Variants in MDN1 observed in about 807,000 individuals in gnomAD.
MDN1 encodes midasin.
Under a neutral mutation model 669.2 loss-of-function variants are expected in MDN1, and 266 were observed. The ratio of observed to expected loss-of-function variants is 0.40; its 90% CI spans 0.36 to 0.44. The LOEUF is 0.44. Ranked by LOEUF, MDN1 falls within the 20% of genes least tolerant of loss-of-function variation. MDN1 has a pLI of 1.00. For missense variants in MDN1, 5,940 were observed against 6,754.0 expected (o/e 0.88, Z 4.22); for synonymous variants, 2,385 against 2,457.1 (o/e 0.97, Z 0.87).
chr6:89,705,575 C>A (rs748000734), intron 53 of MDN1, among the ~76,000 whole-genome samples: 59 of 152,158 alleles, frequency 3.9e-4, no homozygotes, highest in Non-Finnish European at 7.4e-4. Flanking sequence ...GAGGAATGAA[C>A]TACTGATACA....
At chr6:89,804,179 G>C (rs1392571375) in intron 1 of MDN1, among the ~76,000 whole-genome samples, 2 of 149,298 alleles carry the variant, frequency 1.3e-5, no homozygotes, top group Non-Finnish European at 3.0e-5. Flanking sequence ...CAAAGTGCTG[G>C]GATTACAGGC....
Position 89,695,959 on chromosome 6 carries a change from C to T in MDN1, c.9417G>A (p.Leu3139=). ...CTGCTAGGCCTGCCAGGTGCCGGAA[C>T]AGCACCTGCCCCTGGAGTTGGGAAT... ...RTDSQLQGQV[L]FRHLAGLAEL... The change falls in exon 61 of 102, where the codon CTG becomes CTA. Residue 3139 remains leucine, a synonymous_variant. Transcript: ENST00000369393. This position sits in a 1 kb window ranked among gnomAD's most constrained non-coding sequence, Gnocchi z 4.1. The T allele has an allele frequency of 6.2e-7, 1 of 1,610,504 alleles. No homozygotes were observed. The highest frequency in any genetic ancestry group is 1.1e-5 in the South Asian group (1 of 90,954).
At chr6:89,819,430 G>A (rs1769105602) in intron 1 of MDN1, 76 bp downstream of exon 1, 2 of 1,338,438 alleles carry the variant, frequency 1.5e-6, no homozygotes, top group African/African-American at 1.4e-5. Context: ...GGCGAGTATC[G>A]GCGGGGGAGC....
At chr6:89,652,104 G>T (rs1231830115) in intron 95 of MDN1, 88 bp downstream of exon 95, 2 of 1,007,490 alleles carry the variant, frequency 2.0e-6, no homozygotes, top group Non-Finnish European at 3.0e-6. Context: ...TAAGGTAATT[G>T]CTAAGAACCT....
At chr6:89,718,716 A>G in intron 42 of MDN1, 51 bp downstream of exon 42, 2 of 1,609,556 alleles carry the variant, frequency 1.2e-6, no homozygotes, top group South Asian at 1.1e-5. Flanking sequence ...TCTCAGTCAG[A>G]CCACGGGGTT....
intron 65 of MDN1, among the ~76,000 whole-genome samples, chr6:89,689,521 A>C (rs1327908160): frequency 6.6e-6 from 1 of 152,202 alleles, no homozygotes; most frequent in Non-Finnish European, 1.5e-5. Flanking sequence ...TTTCAAAAGC[A>C]CTAAGGCTAT....
At chr6:89,745,732 G>A (rs1411134036) in intron 27 of MDN1, 106 bp from the exon 28 acceptor site, 2 of 1,133,298 alleles carry the variant, frequency 1.8e-6, no homozygotes. Flanking sequence ...TACGCGGCTG[G>A]TGAGGTAGAA....
In MDN1 at chr6:89,750,366, C is replaced by A. The variant is rs528019755; in HGVS notation, c.3394G>T (p.Val1132Phe). ...ATCTTAACCCTACCTTCCTTAAAGACAAGCTTCCCTGAGGAGTCAGACGTG... is the reference window on the plus strand; with the variant it reads ...ATCTTAACCCTACCTTCCTTAAAGAAAAGCTTCCCTGAGGAGTCAGACGTG... The part of the protein sequence containing the change: ...CYTSDSSGKL[V>F]FKEGVLIDAM... The change falls in exon 24 of 102, where the codon GTC (valine) becomes TTC (phenylalanine). Residue 1132 changes from valine (V) to phenylalanine (F), a missense_variant. By Grantham distance (50) the Val-to-Phe change is conservative. Around this residue, in one of 5 missense-constraint regions of MDN1, gnomAD observed 2,292 missense variants for 2,638.3 expected, o/e 0.87. Transcript: ENST00000369393. 8.1e-6 allele frequency: 13 copies of A among 1,607,940 alleles called. No individual in the cohort carries two copies. Among genetic ancestry groups the A allele is most frequent in the Non-Finnish European group, 1.1e-5 (13 of 1,175,126 alleles).
At chr6:89,654,459 A>G in intron 92 of MDN1, 125 bp from the exon 93 acceptor site, 1 of 1,247,704 alleles carries the variant, frequency 8.0e-7, no homozygotes, top group Non-Finnish European at 1.1e-6. Flanking sequence ...TGTGCCACTG[A>G]CCAGCTATGT....
chr6:89,779,824 G>C (rs915711965), intron 11 of MDN1, among the ~76,000 whole-genome samples: 1 of 152,160 alleles, frequency 6.6e-6, no homozygotes, highest in South Asian at 2.1e-4. Context: ...CCAGCACTCT[G>C]GGAGGCCGAC....
chr6:89,690,804 G>A lies in MDN1; in HGVS notation c.10618C>T (p.Arg3540Cys), dbSNP rs9451263. ...EIISEWDEQERIAQEKAEQES... is the reference protein window; with the variant it reads ...EIISEWDEQECIAQEKAEQES... Reference sequence around the variant, plus strand: ...TGCTCAGCCTTCTCTTGGGCTATGCGTTCCTGCTCATCCCACTCACTGATG... The same window carrying A: ...TGCTCAGCCTTCTCTTGGGCTATGCATTCCTGCTCATCCCACTCACTGATG... The change falls in exon 64 of 102, where the codon CGC becomes TGC. Residue 3540 changes from arginine to cysteine, a missense_variant. By Grantham distance (180) the Arg-to-Cys change is radical. Around this residue, in one of 5 missense-constraint regions of MDN1, gnomAD observed 2,280 missense variants for 2,576.3 expected, o/e 0.88. Coordinates refer to ENST00000369393, the MANE Select transcript of MDN1 (RefSeq NM_014611.3). 41 of 1,613,924 alleles carry A rather than the reference G, an allele frequency of 2.5e-5. No individual in the cohort carries two copies. The highest frequency in any genetic ancestry group is 1.6e-4 in the Middle Eastern group (1 of 6,084).
At chr6:89,746,620 AAAGAAAGAAAGAAAG>A (rs1816645289) in intron 27 of MDN1, among the ~76,000 whole-genome samples, 1 of 8,430 alleles carries the variant, frequency 1.2e-4, no homozygotes, top group Non-Finnish European at 2.5e-4. Flanking sequence ...AAAAAGAAAG[AAAGAAAGAAAGAAAG>A]AAAGAAAGAA....
At position 89,817,908 on chromosome 6, in the gene MDN1, T is replaced by C. The variant is rs139940015; in HGVS notation, c.102+1598A>G. Among the ~76,000 whole-genome samples, 345 of 152,304 alleles carry C rather than the reference T, an allele frequency of 2.3e-3. 1 individual carries two copies. In the Middle Eastern group the frequency reaches 0.031, roughly 14 times the overall value. On this transcript the variant is annotated intron_variant, in intron 1 of 101. Coordinates refer to ENST00000369393, the MANE Select transcript of MDN1 (RefSeq NM_014611.3). ...GCGTCCCTGGCCTTGATGCACTAGATGCTAGTAGCACCCCCATAATGAATA... is the reference window on the plus strand; with the variant it reads ...GCGTCCCTGGCCTTGATGCACTAGACGCTAGTAGCACCCCCATAATGAATA...
intron 20 of MDN1, among the ~76,000 whole-genome samples, chr6:89,755,091 TA>T (rs1817173261): frequency 6.6e-6 from 1 of 152,170 alleles, no homozygotes; most frequent in Non-Finnish European, 1.5e-5. Flanking sequence ...ATAAGGCACT[TA>T]TAAAAGTTTA....
chr6:89,660,605 A>G (rs923089080), intron 88 of MDN1, among the ~76,000 whole-genome samples: 5 of 150,138 alleles, frequency 3.3e-5, no homozygotes, highest in Admixed American at 1.4e-4. Context: ...TTCTCAGTGG[A>G]TTTTAATTTT....
intron 8 of MDN1, among the ~76,000 whole-genome samples, chr6:89,786,340 C>T (rs1245837780): frequency 6.6e-6 from 1 of 151,968 alleles, no homozygotes; most frequent in Non-Finnish European, 1.5e-5. Context: ...GCCTGTCATT[C>T]CAACACTTAG....
At chr6:89,682,194 T>C (rs1386594222) in intron 73 of MDN1, among the ~76,000 whole-genome samples, 1 of 152,246 alleles carries the variant, frequency 6.6e-6, no homozygotes, top group East Asian at 1.9e-4. Context: ...ATTCACACCC[T>C]GTGCAGTAGC....
At chr6:89,697,403 A>G (rs377232927) in intron 59 of MDN1, among the ~76,000 whole-genome samples, 9 of 152,334 alleles carry the variant, frequency 5.9e-5, no homozygotes, top group South Asian at 2.1e-4. Context: ...ACTAAAGTCA[A>G]TAAGTAGAAG....
At chr6:89,783,416 G>T (rs1818785829) in intron 9 of MDN1, among the ~76,000 whole-genome samples, 1 of 152,060 alleles carries the variant, frequency 6.6e-6, no homozygotes. Flanking sequence ...GTAAATTTGT[G>T]GTCAGACCGG....
Sources: allele counts gnomAD v4.1 joint callset (sites outside exome capture counted in the v4.1 genomes callset), GRCh38; gene constraint gnomAD v4.1.1; regional missense constraint gnomAD v4.1.1; non-coding constraint Gnocchi (gnomAD v3.1); transcripts MANE v1.5; gene names NCBI Gene and HGNC (gene_info 2026-07-23, HGNC 2026-07-21).